Variants in SYNE1 observed in about 807,000 individuals in gnomAD.
SYNE1 encodes the protein spectrin repeat containing nuclear envelope protein 1.
Under a neutral mutation model 1,111.0 loss-of-function variants are expected in SYNE1, and 616 were observed. The observed-to-expected ratio is 0.55, with a 90% confidence interval of 0.52 to 0.59. SYNE1 has a LOEUF of 0.59. Among genes scored for constraint, SYNE1 ranks in the 20% least tolerant of loss-of-function variants. The pLI, the probability that SYNE1 is intolerant of heterozygous loss-of-function variation, is 0.00. For missense variants in SYNE1, 10,006 were observed against 10,417.0 expected (o/e 0.96, Z 1.72); for synonymous variants, 3,855 against 3,825.8 (o/e 1.01, Z -0.28).
chr6:152,280,074 G>T (rs1389909089), intron 97 of SYNE1, among the ~76,000 whole-genome samples: 2 of 152,198 alleles, frequency 1.3e-5, no homozygotes. Context: ...GCACTTCCAT[G>T]GGGGAAACAG....
chr6:152,498,721 G>A (rs1594054763), intron 11 of SYNE1, 21 bp downstream of exon 11: 3 of 1,527,810 alleles, frequency 2.0e-6, no homozygotes, highest in South Asian at 1.2e-5. Flanking sequence ...GGTCATCAAT[G>A]CAAGATTACT....
intron 8 of SYNE1, among the ~76,000 whole-genome samples, chr6:152,506,813 G>A (rs1384190025): frequency 6.6e-6 from 1 of 152,132 alleles, no homozygotes; most frequent in Non-Finnish European, 1.5e-5. Context: ...CTGGCCTCAA[G>A]TGATCCACCT....
chr6:152,132,822 A>G (rs897898164), intron 143 of SYNE1, among the ~76,000 whole-genome samples: 1 of 151,896 alleles, frequency 6.6e-6, no homozygotes. Flanking sequence ...AATGGAGTTG[A>G]TTGTAGAAAA....
At chr6:152,301,846 G>T in intron 92 of SYNE1, 23 bp downstream of exon 92, 1 of 1,592,000 alleles carries the variant, frequency 6.3e-7, no homozygotes, top group Non-Finnish European at 8.6e-7. Context: ...GAGCAAAGCC[G>T]CGGGGACCCA....
chr6:152,370,851 GGGGAAAAT>G (rs1232304884), intron 59 of SYNE1, among the ~76,000 whole-genome samples: 1 of 152,166 alleles, frequency 6.6e-6, no homozygotes, highest in African/African-American at 2.4e-5. Context: ...TCTACAATAT[GGGGAAAAT>G]CACATCTGCC....
chr6:152,347,847 A>T (rs1267648879), intron 72 of SYNE1, among the ~76,000 whole-genome samples: 3 of 139,232 alleles, frequency 2.2e-5, no homozygotes, highest in East Asian at 2.1e-4. Context: ...CACCTGGCTA[A>T]TTTTTTTTTT....
chr6:152,319,251 G>T (rs1232369232), intron 84 of SYNE1, among the ~76,000 whole-genome samples: 2 of 152,196 alleles, frequency 1.3e-5, no homozygotes, highest in Non-Finnish European at 2.9e-5. Flanking sequence ...TGTGTGTAGA[G>T]AAATTCACTT....
At chr6:152,298,304 C>T (rs2094989003) in intron 93 of SYNE1, among the ~76,000 whole-genome samples, 1 of 152,182 alleles carries the variant, frequency 6.6e-6, no homozygotes, top group Admixed American at 6.5e-5. Flanking sequence ...CAATGATTTT[C>T]CCATTACACT....
intron 64 of SYNE1, 101 bp downstream of exon 64, chr6:152,362,069 T>C: frequency 6.6e-7 from 1 of 1,511,996 alleles, no homozygotes; most frequent in Non-Finnish European, 9.2e-7. Context: ...AATTTGCTTA[T>C]GTGCACTGCC....
chr6:152,467,077 TTGAGA>T (rs899125508), intron 16 of SYNE1, among the ~76,000 whole-genome samples: 38 of 152,254 alleles, frequency 2.5e-4, no homozygotes, highest in African/African-American at 8.2e-4. Context: ...GATAACTGTT[TTGAGA>T]TAACATTTTA....
At chr6:152,428,172 T>C in intron 37 of SYNE1, 33 bp downstream of exon 37, 8 of 1,610,046 alleles carry the variant, frequency 5.0e-6, no homozygotes, top group Non-Finnish European at 6.8e-6. Flanking sequence ...TCCTATTTAG[T>C]AGTGCAGCAA....
In SYNE1 at chr6:152,174,790, G is replaced by T. The variant is rs371830330; in HGVS notation, c.23627+1604C>A. Among the ~76,000 whole-genome samples, 22 of 152,270 alleles carry T rather than the reference G, an allele frequency of 1.4e-4. 2 individuals carry two copies. The highest frequency in any genetic ancestry group is 1.1e-3 in the Admixed American group (17 of 15,296). ...GGCATAATGATAAGGCCACCTCAAAGGACATTATGAACAATACACAAAAAG... is the reference window on the plus strand; with the variant it reads ...GGCATAATGATAAGGCCACCTCAAATGACATTATGAACAATACACAAAAAG... On this transcript the variant is annotated intron_variant, in intron 130 of 145. Transcript: ENST00000367255.
At chr6:152,631,389 G>A (rs1046601387) in intron 2 of SYNE1, among the ~76,000 whole-genome samples, 4 of 152,202 alleles carry the variant, frequency 2.6e-5, no homozygotes, top group African/African-American at 9.7e-5. Context: ...AAAGAGGGCG[G>A]AGAGTGAGGT....
intron 16 of SYNE1, among the ~76,000 whole-genome samples, chr6:152,468,802 G>A (rs1230341000): frequency 6.6e-6 from 1 of 151,914 alleles, no homozygotes; most frequent in Non-Finnish European, 1.5e-5. Context: ...TTGAAATAGG[G>A]TCTCACTCTG....
At chr6:152,315,307 T>G (rs890226616) in intron 87 of SYNE1, 29 of 151,168 alleles carry the variant, frequency 1.9e-4, no homozygotes, top group African/African-American at 5.6e-4. Context: ...GTTCAAGCGA[T>G]TCTCCTGCCT....
intron 3 of SYNE1, among the ~76,000 whole-genome samples, chr6:152,570,567 A>G (rs989857258): frequency 6.6e-5 from 10 of 152,162 alleles, no homozygotes; most frequent in African/African-American, 2.4e-4. Flanking sequence ...GGACTTGCTG[A>G]GGCCACGTTG....
intron 112 of SYNE1, among the ~76,000 whole-genome samples, 160 bp downstream of exon 112, chr6:152,233,621 G>T (rs983977411): frequency 6.6e-6 from 1 of 152,138 alleles, no homozygotes; most frequent in African/African-American, 2.4e-5. Flanking sequence ...CACCGCGCCC[G>T]GCCAGAGTTC....
intron 118 of SYNE1, 124 bp downstream of exon 118, chr6:152,221,302 G>T: frequency 5.4e-6 from 7 of 1,288,542 alleles, no homozygotes; most frequent in South Asian, 5.3e-5. Flanking sequence ...TTCATGTTGT[G>T]AAAGAGAAGT....
At chr6:152,619,054 AC>A in intron 3 of SYNE1, among the ~76,000 whole-genome samples, 1 of 152,096 alleles carries the variant, frequency 6.6e-6, no homozygotes, top group African/African-American at 2.4e-5. Context: ...AATCACACAC[AC>A]ACACACACAC....
Sources: gnomAD v4.1 joint callset for allele counts (sites outside exome capture counted in the v4.1 genomes callset) on GRCh38, gnomAD v4.1.1 for gene constraint, MANE v1.5 for transcripts, NCBI Gene and HGNC (gene_info 2026-07-23, HGNC 2026-07-21) for gene names.